PLAC9: variants seen among roughly 807,000 people sequenced by gnomAD.
PLAC9 encodes placenta-specific protein 9.
A neutral mutation model predicts 11.5 loss-of-function variants in PLAC9; 12 were observed. The observed-to-expected ratio is 1.05, with a 90% confidence interval of 0.67 to 1.69. The LOEUF is 1.69. Ranked by LOEUF, PLAC9 falls within the 40% of genes most tolerant of loss-of-function variation. PLAC9 has a pLI of 0.00. For missense variants in PLAC9, 132 were observed against 130.5 expected, an observed-to-expected ratio of 1.01 and a Z score of -0.06; for synonymous variants, 62 against 58.1, an observed-to-expected ratio of 1.07 and a Z score of -0.31.
At chr10:80,135,631 G>A (rs557570504) in intron 1 of PLAC9, among the ~76,000 whole-genome samples, 183 of 152,038 alleles carry the variant, frequency 1.2e-3, no homozygotes, top group African/African-American at 4.0e-3. Flanking sequence ...GAGCCACCGC[G>A]CTGGGCCCAA....
At chr10:80,138,401 C>T (rs1432282150) in intron 1 of PLAC9, among the ~76,000 whole-genome samples, 1 of 152,114 alleles carries the variant, frequency 6.6e-6, no homozygotes, top group East Asian at 1.9e-4. Context: ...CTCCTCCCTC[C>T]CCAGATTCAG....
chr10:80,135,448 C>T (rs945864673), intron 1 of PLAC9, among the ~76,000 whole-genome samples: 1 of 150,678 alleles, frequency 6.6e-6, no homozygotes, highest in Non-Finnish European at 1.5e-5. Context: ...GCCTCAGTCT[C>T]CCAAGTAGCT....
At chr10:80,131,742 G>C (rs1844916209), upstream of PLAC9, 1 of 152,224 alleles carries the variant, frequency 6.6e-6, no homozygotes, top group South Asian at 2.1e-4. Flanking sequence ...CTGGATCACT[G>C]GTTAGCGTGG....
At chr10:80,142,284 C>T (rs567218570) in intron 2 of PLAC9, 105 bp downstream of exon 2, 14 of 922,638 alleles carry the variant, frequency 1.5e-5, no homozygotes, top group Middle Eastern at 2.3e-4. Context: ...ACATCCGGGC[C>T]GATCCTGCCC....
In PLAC9 at chr10:80,142,278, C is replaced by T. The variant is rs530329373; in HGVS notation, c.162+99C>T. ...AGCTTGCTTTGGAATGTGAGGACAT[C>T]CGGGCCGATCCTGCCCTGTGGCCAC... On this transcript the variant is annotated intron_variant, in intron 2 of 3. Coordinates refer to ENST00000372263, the MANE Select transcript of PLAC9 (RefSeq NM_001012973.3). 394 of 982,310 alleles carry T rather than the reference C, an allele frequency of 4.0e-4. No homozygotes were observed. The African/African-American group carries it at 5.4e-3, about 14-fold the overall frequency. 60.8% of individuals were successfully genotyped at this position (982,310 alleles called of 1,614,324 possible). A position where few individuals can be genotyped will look rare whatever the true frequency, so the allele number is the denominator to read the frequency against.
intron 2 of PLAC9, among the ~76,000 whole-genome samples, 190 bp downstream of exon 2, chr10:80,142,369 C>T (rs12266983): frequency 6.6e-6 from 1 of 152,114 alleles, no homozygotes; most frequent in African/African-American, 2.4e-5. Flanking sequence ...CCCTGCCTCC[C>T]CTAAGGCCTT....
intron 3 of PLAC9, 30 bp from the exon 4 acceptor site, chr10:80,144,870 T>A (rs937947219): frequency 5.1e-6 from 8 of 1,562,024 alleles, no homozygotes; most frequent in Non-Finnish European, 6.9e-6. Context: ...CACCCCAGCT[T>A]GCTCACTGGG....
intron 1 of PLAC9, among the ~76,000 whole-genome samples, chr10:80,136,583 C>T (rs1477265652): frequency 2.0e-5 from 3 of 152,118 alleles, no homozygotes; most frequent in African/African-American, 4.8e-5. Context: ...GCGATTCTCC[C>T]GCCTCAGCTT....
chr10:80,144,953 C>T lies in PLAC9; in HGVS notation c.*43C>T. 1 of 1,563,232 alleles carries T rather than the reference C, an allele frequency of 6.4e-7. No homozygotes were observed. The highest frequency in any genetic ancestry group is 8.7e-7 in the Non-Finnish European group (1 of 1,152,366). On this transcript the variant is annotated 3_prime_UTR_variant, in exon 4 of 4. Coordinates refer to ENST00000372263, the MANE Select transcript of PLAC9 (RefSeq NM_001012973.3). ...CAGCAGTTGGAGGTGGTGCACCTGC[C>T]AGGCAGCGCCCACAGAACCAGCCCT...
At chr10:80,144,858 G>C in intron 3 of PLAC9, 42 bp from the exon 4 acceptor site, 1 of 1,549,992 alleles carries the variant, frequency 6.5e-7, no homozygotes. Flanking sequence ...GGTACTCTGC[G>C]GCACCCCAGC....
chr10:80,134,546 G>A (rs542609622), intron 1 of PLAC9, among the ~76,000 whole-genome samples: 3 of 152,214 alleles, frequency 2.0e-5, no homozygotes, highest in East Asian at 3.9e-4. Context: ...TTACAGGTGT[G>A]AGCCACAATG....
At position 80,132,966 on chromosome 10, in the gene PLAC9, G is replaced by T. The variant is rs573492349; in HGVS notation, c.64+140G>T. ...AGAGAGGCAGATGCAGGGAGGGAGG[G>T]ATGGAGAGAAAGATTGAGAGGAAAC... On this transcript the variant is annotated intron_variant, in intron 1 of 3. Transcript: ENST00000372263. 5.8e-4 allele frequency: 391 copies of T among 679,112 alleles called. 2 individuals carry two copies. Among genetic ancestry groups the T allele is most frequent in the Non-Finnish European group, 8.2e-4 (369 of 451,076 alleles). 42.1% of individuals were successfully genotyped at this position (679,112 alleles called of 1,614,324 possible). A position where few individuals can be genotyped will look rare whatever the true frequency, so the allele number is the denominator to read the frequency against.
At position 80,143,548 on chromosome 10, in the gene PLAC9, C is replaced by A. The variant is rs111518384; in HGVS notation, c.163-675C>A. On this transcript the variant is annotated intron_variant, in intron 2 of 3. Transcript: ENST00000372263. ...AGTAGCTGAGACTACAGACGCGCACCACCATGCCCGGCTTCTTTTTGTATT... is the reference window on the plus strand; with the variant it reads ...AGTAGCTGAGACTACAGACGCGCACAACCATGCCCGGCTTCTTTTTGTATT... Among the ~76,000 whole-genome samples the A allele has an allele frequency of 1.1e-3, 168 of 150,924 alleles. 1 individual carries two copies. Among genetic ancestry groups the A allele is most frequent in the African/African-American group, 3.7e-3 (152 of 40,976 alleles).
At position 80,142,151 on chromosome 10, in the gene PLAC9, T is replaced by G; in HGVS notation, c.134T>G (p.Val45Gly). Reference sequence around the variant, plus strand: ...ACAGCGTGTGACAGACACATGGCTGTGCAACGCCGTCTAGATGTCATGGAG... The same window carrying G: ...ACAGCGTGTGACAGACACATGGCTGGGCAACGCCGTCTAGATGTCATGGAG... ...QSTACDRHMAVQRRLDVMEEM... is the reference protein window; with the variant it reads ...QSTACDRHMAGQRRLDVMEEM... Residue 45 changes from valine (V) to glycine (G), a missense_variant, in exon 2 of 4, where the codon GTG (valine) becomes GGG (glycine). Val to Gly is a moderately radical substitution (Grantham distance 109). Transcript: ENST00000372263. 1.2e-6 allele frequency: 2 copies of G among 1,609,850 alleles called. No individual in the cohort carries two copies. Among genetic ancestry groups the G allele is most frequent in the Non-Finnish European group, 1.7e-6 (2 of 1,176,676 alleles).
chr10:80,140,903 C>T (rs1420924775), intron 1 of PLAC9, among the ~76,000 whole-genome samples: 1 of 152,172 alleles, frequency 6.6e-6, no homozygotes, highest in Non-Finnish European at 1.5e-5. Flanking sequence ...CCCCATTTCT[C>T]CCAATTTATT....
chr10:80,136,721 C>A (rs1844978770), intron 1 of PLAC9, among the ~76,000 whole-genome samples: 1 of 151,196 alleles, frequency 6.6e-6, no homozygotes, highest in African/African-American at 2.4e-5. Context: ...CTATGTTGCC[C>A]AGAGTGACCT....
Position 80,142,159 on chromosome 10 carries a change from C to A in PLAC9, c.142C>A (p.Arg48Ser). Reference protein sequence around the residue: ...ACDRHMAVQRRLDVMEEMVEK... With the variant: ...ACDRHMAVQRSLDVMEEMVEK... ...TGACAGACACATGGCTGTGCAACGCCGTCTAGATGTCATGGAGGAGGTAAC... is the reference window on the plus strand; with the variant it reads ...TGACAGACACATGGCTGTGCAACGCAGTCTAGATGTCATGGAGGAGGTAAC... Residue 48 changes from arginine (R) to serine (S), a missense_variant, in exon 2 of 4, where the codon CGT becomes AGT. Physicochemically the swap from Arg to Ser is moderately radical, Grantham distance 110 (BLOSUM62 -1). Coordinates refer to ENST00000372263, the MANE Select transcript of PLAC9 (RefSeq NM_001012973.3). The A allele has an allele frequency of 6.2e-7, 1 of 1,606,702 alleles. No individual in the cohort carries two copies. The highest frequency in any genetic ancestry group is 1.1e-5 in the South Asian group (1 of 90,576).
intron 2 of PLAC9, 172 bp from the exon 3 acceptor site, chr10:80,144,051 G>A: frequency 1.2e-6 from 1 of 824,784 alleles, no homozygotes; most frequent in Non-Finnish European, 2.0e-6. Flanking sequence ...GTCATCTGGG[G>A]AAACTGAGGC....
chr10:80,139,849 A>G (rs1845020180), intron 1 of PLAC9, among the ~76,000 whole-genome samples: 1 of 152,052 alleles, frequency 6.6e-6, no homozygotes, highest in Non-Finnish European at 1.5e-5. Context: ...TCGGCCTCCC[A>G]AAGTGCTAGG....
Sources: gnomAD v4.1 joint callset for allele counts (sites outside exome capture counted in the v4.1 genomes callset) on GRCh38, gnomAD v4.1.1 for gene constraint, MANE v1.5 for transcripts, NCBI Gene and HGNC (gene_info 2026-07-23, HGNC 2026-07-21) for gene names.